Variants in ZBTB32 observed in about 807,000 individuals in gnomAD.
ZBTB32 encodes the protein zinc finger and BTB domain containing 32.
ZBTB32 carries 28 observed loss-of-function variants against 45.3 expected under a neutral mutation model. The observed-to-expected ratio is 0.62, with a 90% CI of 0.46 to 0.85. The LOEUF (loss-of-function observed/expected upper bound fraction) is 0.85. ZBTB32 is among the 40% of genes least tolerant of loss of function. The pLI is 0.00. For synonymous variants in ZBTB32, 283 were observed against 255.7 expected (o/e 1.11, Z -1.02); for missense variants, 587 against 624.4 (o/e 0.94, Z 0.64).
Position 35,716,319 on chromosome 19 carries a change from T to C in ZBTB32, c.1189+22T>C, listed in dbSNP as rs781404007. The C allele has an allele frequency of 1.9e-6, 3 of 1,612,868 alleles. No homozygotes were observed. In the South Asian group the frequency reaches 3.3e-5, roughly 18 times the overall value. On this transcript the variant is annotated intron_variant, in intron 6 of 6. Coordinates refer to ENST00000392197, the MANE Select transcript of ZBTB32 (RefSeq NM_014383.3). ...ACAGGTATGGGCGCCCTGCCCTGTG[T>C]GAACTGTCGGCTTTCTTCCCAACTC...
rs1206840646 is a variant in ZBTB32, at chr19:35,715,295, G to A, written c.669G>A (p.Glu223=). The A allele has an allele frequency of 1.3e-6, 2 of 1,583,884 alleles. No individual in the cohort carries two copies. The highest frequency in any genetic ancestry group is 1.1e-5 in the South Asian group (1 of 88,384). Residue 223 remains glutamate, a synonymous_variant, in exon 3 of 7, where the codon GAG becomes GAA. Transcript: ENST00000392197. ...TGAGGGAAAATCCAGGGGGCTCTGA[G>A]GAAAGTCTGCGCAAGCTCCCTGGCC... is the stretch of plus-strand genomic sequence containing the variant. ...TWLRENPGGS[E]ESLRKLPGPL...
At position 35,716,293 on chromosome 19, in the gene ZBTB32, C is replaced by T; in HGVS notation, c.1185C>T (p.His395=). 1 of 1,613,918 alleles carries T rather than the reference C, an allele frequency of 6.2e-7. No individual in the cohort carries two copies. Among genetic ancestry groups the T allele is most frequent in the Non-Finnish European group, 8.5e-7 (1 of 1,179,984 alleles). The change falls in exon 6 of 7, where the codon CAC becomes CAT. Residue 395 remains histidine (H), a synonymous_variant. Transcript: ENST00000392197. The part of the protein sequence containing the change: ...KHQMETHYRV[H]TGEKPFSCSL... ...AGATGGAGACGCACTACCGAGTCCA[C>T]ACAGGTATGGGCGCCCTGCCCTGTG...
intron 1 of ZBTB32, among the ~76,000 whole-genome samples, chr19:35,709,337 T>C (rs1968626537): frequency 6.6e-6 from 1 of 152,190 alleles, no homozygotes; most frequent in South Asian, 2.1e-4. Context: ...GAGAACTTTT[T>C]CACAAAACAA....
chr19:35,716,733 C>T lies in ZBTB32; in HGVS notation c.1445C>T (p.Pro482Leu). The T allele has an allele frequency of 6.2e-7, 1 of 1,607,284 alleles. No individual in the cohort carries two copies. Among genetic ancestry groups the T allele is most frequent in the Non-Finnish European group, 8.5e-7 (1 of 1,174,402 alleles). ...CGGCCCTCGACCTCTCCCTGTTGTC[C>T]TTCTTCCTCCACCACCTGACGGGGT... ...PSRPSTSPCCPSSSTT is the reference protein window; with the variant it reads ...PSRPSTSPCCLSSSTT Residue 482 changes from proline (P) to leucine (L), a missense_variant, in exon 7 of 7, where the codon CCT (proline) becomes CTT (leucine). Transcript: ENST00000392197.
rs3746280 is a variant in ZBTB32, at chr19:35,713,390, G to C, written c.-105+357G>C. 3 of 152,560 alleles carry C rather than the reference G, an allele frequency of 2.0e-5. No individual in the cohort carries two copies. In the East Asian group the frequency reaches 5.8e-4, roughly 29 times the overall value. The allele number at this position is 152,560 out of a possible 1,614,324, so 9.5% of individuals were successfully genotyped here. A position where few individuals can be genotyped will look rare whatever the true frequency, so the allele number is the denominator to read the frequency against. On this transcript the variant is annotated intron_variant, in intron 2 of 6. Transcript: ENST00000392197. Reference sequence around the variant, plus strand: ...GAGGTCAGGGGCGGGGCTAGCTCCAGGGGGGGCCCCAGGAGCCCCAACAGT... The same window carrying C: ...GAGGTCAGGGGCGGGGCTAGCTCCACGGGGGGCCCCAGGAGCCCCAACAGT...
intron 1 of ZBTB32, among the ~76,000 whole-genome samples, chr19:35,709,437 T>G (rs1440304422): frequency 1.3e-5 from 2 of 152,192 alleles, no homozygotes; most frequent in Non-Finnish European, 2.9e-5. Context: ...TGTGTTGACA[T>G]TGTTACATCA....
In ZBTB32 at chr19:35,714,572, C is replaced by A; in HGVS notation, c.-55C>A. ...TCCCTCCCCTTTCAACCATGGACCT[C>A]ACACTGTGGACTTCCTCTTAGAGCC... On this transcript the variant is annotated 5_prime_UTR_variant, in exon 3 of 7. The change creates a premature stop within an existing upstream ORF in the 5' untranslated region. Transcript: ENST00000392197. 1 of 1,474,596 alleles carries A rather than the reference C, an allele frequency of 6.8e-7. No individual in the cohort carries two copies. The highest frequency in any genetic ancestry group is 9.0e-7 in the Non-Finnish European group (1 of 1,106,422). The allele number at this position is 1,474,596 out of a possible 1,614,324, so 91.3% of individuals were successfully genotyped here. A position where few individuals can be genotyped will look rare whatever the true frequency, so the allele number is the denominator to read the frequency against.
intron 6 of ZBTB32, 42 bp downstream of exon 6, chr19:35,716,339 C>T (rs1210068605): frequency 1.9e-6 from 3 of 1,609,970 alleles, no homozygotes; most frequent in African/African-American, 2.7e-5. Flanking sequence ...GCTTTCTTCC[C>T]AACTCCGCTC....
intron 1 of ZBTB32, among the ~76,000 whole-genome samples, chr19:35,711,256 G>A (rs967810755): frequency 2.0e-5 from 3 of 152,190 alleles, no homozygotes; most frequent in African/African-American, 7.2e-5. Context: ...CCTCATCCCT[G>A]GGGCTAGTCC....
In ZBTB32 at chr19:35,714,747, C is replaced by G. The variant is rs753139811; in HGVS notation, c.121C>G (p.Pro41Ala). 13 of 1,614,012 alleles carry G rather than the reference C, an allele frequency of 8.1e-6. No individual in the cohort carries two copies. Among genetic ancestry groups the G allele is most frequent in the Non-Finnish European group, 1.1e-5 (13 of 1,180,036 alleles). Residue 41 changes from proline (P) to alanine (A), a missense_variant, in exon 3 of 7, where the codon CCC becomes GCC. Coordinates refer to ENST00000392197, the MANE Select transcript of ZBTB32 (RefSeq NM_014383.3). ...GATCACCGTAGGGAGCCAGGAGTTC[C>G]CCGCCCACAGCCTGGTGCTAGCAGG... ...TLITVGSQEFPAHSLVLAGVS... is the reference protein window; with the variant it reads ...TLITVGSQEFAAHSLVLAGVS...
chr19:35,712,024 CAAAAA>C (rs773746029), intron 1 of ZBTB32, among the ~76,000 whole-genome samples: 115 of 54,802 alleles, frequency 2.1e-3, no homozygotes, highest in African/African-American at 6.4e-3. Context: ...GACTGCGTCT[CAAAAA>C]AAAAAAAAAA....
chr19:35,716,237 G>T lies in ZBTB32; in HGVS notation c.1129G>T (p.Val377Phe). 6.2e-7 allele frequency: 1 copy of T among 1,613,906 alleles called. No individual in the cohort carries two copies. The highest frequency in any genetic ancestry group is 2.2e-5 in the East Asian group (1 of 44,866). ...PARSRPYACS[V>F]CGKRFSLKHQ... ...TCGGTCTCGGCCCTATGCGTGCTCT[G>T]TCTGTGGAAAGAGGTTTTCACTCAA... Residue 377 changes from valine (V) to phenylalanine (F), a missense_variant, in exon 6 of 7, where the codon GTC becomes TTC. Val to Phe is a conservative substitution (Grantham distance 50, BLOSUM62 -1). Transcript: ENST00000392197.
At chr19:35,709,543 C>G (rs956074328) in intron 1 of ZBTB32, among the ~76,000 whole-genome samples, 3 of 152,102 alleles carry the variant, frequency 2.0e-5, no homozygotes, top group African/African-American at 4.8e-5. Context: ...GCACATTTTT[C>G]CCTTAGTGTC....
In ZBTB32 at chr19:35,716,689, C is replaced by T; in HGVS notation, c.1401C>T (p.Tyr467=). ...GGACCATCCGCTCCACCTTCCTCTA[C>T]TCCTCCTCGAGGCCGTCTCGGCCCT... The part of the protein sequence containing the change: ...PGWTIRSTFL[Y]SSSRPSRPST... Residue 467 remains tyrosine, a synonymous_variant, in exon 7 of 7, where the codon TAC becomes TAT. Coordinates refer to ENST00000392197, the MANE Select transcript of ZBTB32 (RefSeq NM_014383.3). 1.2e-6 allele frequency: 2 copies of T among 1,614,076 alleles called. No homozygotes were observed. Among genetic ancestry groups the T allele is most frequent in the South Asian group, 1.1e-5 (1 of 91,086 alleles).
intron 1 of ZBTB32, among the ~76,000 whole-genome samples, chr19:35,708,880 G>A (rs528929022): frequency 2.5e-4 from 37 of 150,650 alleles, no homozygotes; most frequent in Middle Eastern, 3.4e-3. Context: ...GTGCAATGGC[G>A]CGATCTCGGC....
intron 1 of ZBTB32, among the ~76,000 whole-genome samples, chr19:35,711,070 G>A (rs1968678410): frequency 6.6e-6 from 1 of 152,178 alleles, no homozygotes; most frequent in Non-Finnish European, 1.5e-5. Context: ...GATGCTCCCT[G>A]TCAACTATAT....
intron 1 of ZBTB32, among the ~76,000 whole-genome samples, chr19:35,710,328 C>A (rs1286722214): frequency 1.3e-5 from 2 of 152,326 alleles, no homozygotes; most frequent in African/African-American, 4.8e-5. Context: ...ACCTGCTCTA[C>A]CCTCTGGCAG....
chr19:35,715,434 C>T lies in ZBTB32; in HGVS notation c.808C>T (p.Pro270Ser), dbSNP rs748936832. The T allele has an allele frequency of 3.8e-6, 6 of 1,596,886 alleles. No individual in the cohort carries two copies. In the Admixed American group the frequency reaches 1.1e-4, roughly 29 times the overall value. The change falls in exon 3 of 7, where the codon CCC (proline) becomes TCC (serine). Residue 270 changes from proline (P) to serine (S), a missense_variant. By Grantham distance (74) the Pro-to-Ser change is moderately conservative. Coordinates refer to ENST00000392197, the MANE Select transcript of ZBTB32 (RefSeq NM_014383.3). The stretch of plus-strand genomic sequence containing the variant: ...CCTGTGGAGCATCCTGCTGATGCCG[C>T]CCAGATATGGCATTCCCTTCTACCA... ...PALWSILLMP[P>S]RYGIPFYHST...
chr19:35,717,028 C>T lies in ZBTB32; in HGVS notation c.*276C>T. ...TCACCATAATAAAGAGTTTCCTGTG[C>T]CCTCCCTTCAGGACTAGAAAGCCGA... On this transcript the variant is annotated 3_prime_UTR_variant, in exon 7 of 7. Coordinates refer to ENST00000392197, the MANE Select transcript of ZBTB32 (RefSeq NM_014383.3). The T allele has an allele frequency of 2.0e-6, 1 of 493,122 alleles. No homozygotes were observed. The highest frequency in any genetic ancestry group is 3.6e-6 in the Non-Finnish European group (1 of 275,656). The allele number at this position is 493,122 out of a possible 1,614,324, so 30.5% of individuals were successfully genotyped here. A position where few individuals can be genotyped will look rare whatever the true frequency, so the allele number is the denominator to read the frequency against.
Sources: gnomAD v4.1 joint callset for allele counts (sites outside exome capture counted in the v4.1 genomes callset) on GRCh38, gnomAD v4.1.1 for gene constraint, MANE v1.5 for transcripts, NCBI Gene and HGNC (gene_info 2026-07-23, HGNC 2026-07-21) for gene names.